The following DTNA variants were observed in gnomAD, a reference collection of about 807,000 sequenced individuals.
DTNA encodes dystrobrevin alpha.
Under a neutral mutation model 100.7 loss-of-function variants are expected in DTNA, and 43 were observed. The observed-to-expected ratio is 0.43, with a 90% confidence interval of 0.33 to 0.55. DTNA has a LOEUF of 0.55. Among genes scored for constraint, DTNA ranks in the 20% least tolerant of loss-of-function variants. The pLI is 0.04. For missense variants in DTNA, 798 were observed against 953.9 expected (o/e 0.84, Z 2.15); for synonymous variants, 349 against 347.9 (o/e 1.00, Z -0.04).
intron 1 of DTNA, among the ~76,000 whole-genome samples, chr18:34,593,799 C>T (rs1006643594): frequency 4.6e-5 from 7 of 152,162 alleles, no homozygotes; most frequent in Non-Finnish European, 1.0e-4. Context: ...CTCTTAAGCA[C>T]TATGAGTTTA....
At chr18:34,878,229 C>T (rs550873888) in intron 19 of DTNA, among the ~76,000 whole-genome samples, 8 of 152,280 alleles carry the variant, frequency 5.3e-5, no homozygotes, top group Non-Finnish European at 1.2e-4. Context: ...CCTCCTGCCT[C>T]GGCCTCCCAA....
Position 34,827,690 on chromosome 18 carries a change from C to T in DTNA, c.1085+14C>T. The T allele has an allele frequency of 6.2e-7, 1 of 1,611,358 alleles. No individual in the cohort carries two copies. The highest frequency in any genetic ancestry group is 8.5e-7 in the Non-Finnish European group (1 of 1,177,526). ...TATTACCAGGAGGTAAGTTCCAACCCTATTATAAAATAAGCCCTTTCTTTG... is the reference window on the plus strand; with the variant it reads ...TATTACCAGGAGGTAAGTTCCAACCTTATTATAAAATAAGCCCTTTCTTTG... On this transcript the variant is annotated intron_variant, in intron 10 of 22. Transcript: ENST00000444659.
At chr18:34,516,841 G>T (rs1003065788) in intron 1 of DTNA, among the ~76,000 whole-genome samples, 1 of 152,048 alleles carries the variant, frequency 6.6e-6, no homozygotes, top group African/African-American at 2.4e-5. Flanking sequence ...AATTTGTGCA[G>T]ATAACGCAAT....
At chr18:34,800,944 T>C (rs1418801786) in intron 4 of DTNA, among the ~76,000 whole-genome samples, 1 of 152,202 alleles carries the variant, frequency 6.6e-6, no homozygotes, top group Non-Finnish European at 1.5e-5. Flanking sequence ...GTATGTCTCT[T>C]TATAAGATTA....
chr18:34,868,490 T>A, intron 17 of DTNA: 1 of 985,450 alleles, frequency 1.0e-6, no homozygotes, highest in South Asian at 4.7e-5. Flanking sequence ...GACTGGCATC[T>A]GCTTCTAAAT....
rs1300887762 is a variant in DTNA, at chr18:34,868,737, A to T, written c.1743+4675A>T. On this transcript the variant is annotated intron_variant, in intron 17 of 22. Coordinates refer to ENST00000444659, the MANE Select transcript of DTNA (RefSeq NM_001386795.1). ...CCCTCTCGAGGAGAGAACATGAATT[A>T]AAAAAAATAGTGCCTGTAATATAAT... 5.1e-6 allele frequency: 5 copies of T among 981,910 alleles called. No homozygotes were observed. In the Admixed American group the frequency reaches 2.5e-4, roughly 48 times the overall value. The allele number at this position is 981,910 out of a possible 1,614,324, so 60.8% of individuals were successfully genotyped here.
intron 1 of DTNA, among the ~76,000 whole-genome samples, chr18:34,561,543 T>C (rs2046636533): frequency 6.6e-6 from 1 of 152,154 alleles, no homozygotes; most frequent in South Asian, 2.1e-4. Flanking sequence ...CTTACAATGC[T>C]ATTGAAATAG....
intron 1 of DTNA, among the ~76,000 whole-genome samples, chr18:34,632,991 A>T (rs1366923008): frequency 6.6e-6 from 1 of 152,186 alleles, no homozygotes; most frequent in African/African-American, 2.4e-5. Context: ...AGAGAGGATT[A>T]AAAAAATTCT....
At chr18:34,625,469 G>A (rs903190019) in intron 1 of DTNA, among the ~76,000 whole-genome samples, 4 of 152,156 alleles carry the variant, frequency 2.6e-5, no homozygotes, top group African/African-American at 4.8e-5. Flanking sequence ...CACTGCGCCC[G>A]GCCAGGGACA....
intron 1 of DTNA, among the ~76,000 whole-genome samples, chr18:34,633,088 A>G (rs1306853786): frequency 6.6e-6 from 1 of 152,208 alleles, no homozygotes; most frequent in East Asian, 1.9e-4. Flanking sequence ...GATCTAGAAC[A>G]TTAAGTTAAT....
chr18:34,647,780 C>A (rs2143627840), intron 1 of DTNA, among the ~76,000 whole-genome samples: 1 of 152,338 alleles, frequency 6.6e-6, no homozygotes, highest in Non-Finnish European at 1.5e-5. Flanking sequence ...TATATCATTA[C>A]AATTTTCAGC....
intron 4 of DTNA, among the ~76,000 whole-genome samples, chr18:34,802,856 A>G (rs534265889): frequency 6.6e-6 from 1 of 152,296 alleles, no homozygotes; most frequent in South Asian, 2.1e-4. Flanking sequence ...CCTACTCACA[A>G]TACAACTGTG....
chr18:34,878,982 C>T (rs551669813), intron 19 of DTNA, among the ~76,000 whole-genome samples: 41 of 152,214 alleles, frequency 2.7e-4, no homozygotes, highest in Middle Eastern at 3.4e-3. Context: ...GATTACCAAA[C>T]GGAATAAAAA....
At chr18:34,630,709 A>G (rs1042056741) in intron 1 of DTNA, among the ~76,000 whole-genome samples, 5 of 152,158 alleles carry the variant, frequency 3.3e-5, no homozygotes, top group African/African-American at 1.2e-4. Context: ...GCTGACTCCA[A>G]AGTGGCTAGC....
intron 1 of DTNA, among the ~76,000 whole-genome samples, chr18:34,593,065 A>T (rs2049923059): frequency 6.6e-6 from 1 of 152,070 alleles, no homozygotes. Flanking sequence ...GGGGGAGGGG[A>T]TGGCAGGGGA....
intron 6 of DTNA, 33 bp downstream of exon 6, chr18:34,812,146 T>C (rs1424389637): frequency 1.2e-6 from 2 of 1,613,078 alleles, no homozygotes; most frequent in Non-Finnish European, 1.7e-6. Context: ...GAAGTATCTC[T>C]TTCAAACAGT....
At chr18:34,838,052 C>T (rs2096189211) in intron 11 of DTNA, 42 bp from the exon 12 acceptor site, 1 of 1,584,230 alleles carries the variant, frequency 6.3e-7, no homozygotes, top group Non-Finnish European at 8.7e-7. Context: ...GAATGCATTG[C>T]CGTGTTTACG....
At chr18:34,813,756 T>C (rs2095534929) in intron 6 of DTNA, among the ~76,000 whole-genome samples, 1 of 150,298 alleles carries the variant, frequency 6.7e-6, no homozygotes, top group Non-Finnish European at 1.5e-5. Context: ...GCAGGAGAAT[T>C]GCTTGAACCC....
At chr18:34,620,340 T>G (rs1310125698) in intron 1 of DTNA, among the ~76,000 whole-genome samples, 2 of 152,250 alleles carry the variant, frequency 1.3e-5, no homozygotes, top group African/African-American at 4.8e-5. Context: ...AGTTTGAAGA[T>G]ATTTGAATGC....
Sources: gnomAD v4.1 joint callset for allele counts (sites outside exome capture counted in the v4.1 genomes callset) on GRCh38, gnomAD v4.1.1 for gene constraint, MANE v1.5 for transcripts, NCBI Gene and HGNC (gene_info 2026-07-23, HGNC 2026-07-21) for gene names.